Variants in TUBGCP5 observed in about 807,000 individuals in gnomAD.
TUBGCP5 encodes the protein tubulin gamma complex component 5.
Under a neutral mutation model 134.7 loss-of-function variants are expected in TUBGCP5, and 98 were observed. The ratio of observed to expected loss-of-function variants is 0.73; its 90% CI spans 0.62 to 0.86. TUBGCP5 has a LOEUF of 0.86. TUBGCP5 is among the 40% of genes least tolerant of loss of function. The pLI, the probability that TUBGCP5 is intolerant of heterozygous loss-of-function variation, is 0.00. For synonymous variants in TUBGCP5, 456 were observed against 431.4 expected, an observed-to-expected ratio of 1.06 and a Z score of -0.71; for missense variants, 1,150 against 1,244.8, an observed-to-expected ratio of 0.92 and a Z score of 1.15.
chr15:22,989,004 C>T (rs1325099317), intron 23 of TUBGCP5, among the ~76,000 whole-genome samples: 4 of 152,058 alleles, frequency 2.6e-5, no homozygotes, highest in African/African-American at 7.2e-5. Flanking sequence ...CCTCAAAGCC[C>T]TCAGCTGGCT....
chr15:23,038,290 TTTACCTA>T (rs11277458), intron 1 of TUBGCP5, among the ~76,000 whole-genome samples: 28,563 of 151,974 alleles, frequency 0.19, 3,274 homozygotes, highest in South Asian at 0.27. Flanking sequence ...GGAACACCAC[TTTACCTA>T]TTATAATTTA....
In TUBGCP5 at chr15:23,030,781, A is replaced by C. The variant is rs886105577; in HGVS notation, c.622+104T>G. ...AAAATTGGTTTTATAAGGATGGTAG[A>C]GCTTAGCCAATACCTTGATTACATG... On this transcript the variant is annotated intron_variant, in intron 6 of 22. Coordinates refer to ENST00000615383, the MANE Select transcript of TUBGCP5 (RefSeq NM_052903.6). 17 of 1,396,000 alleles carry C rather than the reference A, an allele frequency of 1.2e-5. No homozygotes were observed. The Admixed American group carries it at 1.5e-4, about 13-fold the overall frequency. The allele number at this position is 1,396,000 out of a possible 1,614,324, so 86.5% of individuals were successfully genotyped here.
downstream of TUBGCP5, among the ~76,000 whole-genome samples, chr15:22,994,482 T>C (rs554442244): frequency 5.3e-5 from 8 of 152,286 alleles, no homozygotes; most frequent in Non-Finnish European, 7.4e-5. Context: ...AGATTCAGTG[T>C]AAAGATGTCT....
chr15:23,023,794 T>C, intron 10 of TUBGCP5, 153 bp downstream of exon 10: 2 of 727,932 alleles, frequency 2.7e-6, no homozygotes, highest in Admixed American at 7.2e-5. Context: ...ATGAATGGCT[T>C]AAAAATATAA....
rs1010608304 is a variant in TUBGCP5 at position 23,013,109 on chromosome 15, G to A, written c.1757-1778C>T. Among the ~76,000 whole-genome samples, 1 of 151,694 alleles carries A rather than the reference G, an allele frequency of 6.6e-6. No homozygotes were observed. Among genetic ancestry groups the A allele is most frequent in the African/African-American group, 2.4e-5 (1 of 41,228 alleles). On this transcript the variant is annotated intron_variant, in intron 13 of 22. Coordinates refer to ENST00000615383, the MANE Select transcript of TUBGCP5 (RefSeq NM_052903.6). This position sits in a 1 kb window ranked among gnomAD's most constrained non-coding sequence, Gnocchi z 4.5. ...AGGTGGCTGCCTGGAGACGTCTGGT[G>A]TTCCTCTCCCAACAGCAAGAGAGGA... is the stretch of plus-strand genomic sequence containing the variant.
Position 23,008,829 on chromosome 15 carries a change from C to T in TUBGCP5, c.2197G>A (p.Asp733Asn). The change falls in exon 16 of 23, where the codon GAT becomes AAT. Residue 733 changes from aspartate (D) to asparagine (N), a missense_variant. This residue lies in a region of TUBGCP5 where 697 missense variants were observed against 850.1 expected (regional missense o/e 0.82). Coordinates refer to ENST00000615383, the MANE Select transcript of TUBGCP5 (RefSeq NM_052903.6). ...GACGTGTAGAAGTCATACATGGTAT[C>T]TCCTCCTTCCATTAAGAAAAAATTC... ...MRNFFLMEGGDTMYDFYTSIF... is the reference protein window; with the variant it reads ...MRNFFLMEGGNTMYDFYTSIF... 6.3e-7 allele frequency: 1 copy of T among 1,583,752 alleles called. No homozygotes were observed. The highest frequency in any genetic ancestry group is 8.5e-7 in the Non-Finnish European group (1 of 1,171,708).
At chr15:23,004,828 C>G (rs1224673366) in intron 19 of TUBGCP5, among the ~76,000 whole-genome samples, 1 of 152,148 alleles carries the variant, frequency 6.6e-6, no homozygotes, top group Non-Finnish European at 1.5e-5. Flanking sequence ...TCACTTCACC[C>G]AAGCAAGTTG....
downstream of TUBGCP5, among the ~76,000 whole-genome samples, chr15:22,995,678 C>T (rs920912281): frequency 6.6e-6 from 1 of 152,084 alleles, no homozygotes; most frequent in Non-Finnish European, 1.5e-5. Context: ...CCACACCCAG[C>T]CCCACACTTG....
intron 3 of TUBGCP5, among the ~76,000 whole-genome samples, 154 bp downstream of exon 3, chr15:23,036,743 T>C (rs571057994): frequency 6.6e-6 from 1 of 152,322 alleles, no homozygotes; most frequent in South Asian, 2.1e-4. Context: ...GCATATCTGG[T>C]TTGATGGCAA....
At chr15:23,003,042 T>C (rs1272777528) in intron 21 of TUBGCP5, 23 bp downstream of exon 21, 46 of 1,612,290 alleles carry the variant, frequency 2.9e-5, no homozygotes, top group South Asian at 4.4e-5. Context: ...ACAGTGCAGA[T>C]GCTGCAGAAA....
rs1297807650 is a variant in TUBGCP5, at chr15:23,006,148, T to C, written c.2437A>G (p.Ile813Val). The change falls in exon 18 of 23, where the codon ATA (isoleucine) becomes GTA (valine). Residue 813 changes from isoleucine to valine, a missense_variant. By Grantham distance (29) the Ile-to-Val change is conservative. This residue lies in a region of TUBGCP5 where 697 missense variants were observed against 850.1 expected (regional missense o/e 0.82). Coordinates refer to ENST00000615383, the MANE Select transcript of TUBGCP5 (RefSeq NM_052903.6). The stretch of plus-strand genomic sequence containing the variant: ...TAAATTTTTTGACATTCCAAACTTA[T>C]AACAATGTCCACGGGCCATGGGACC... ...YKVPWPVDIV[I>V]SLECQKIYNQ... The C allele has an allele frequency of 1.2e-6, 2 of 1,609,940 alleles. No homozygotes were observed. The highest frequency in any genetic ancestry group is 1.7e-6 in the Non-Finnish European group (2 of 1,179,278).
At chr15:23,019,002 C>T (rs1369422949) in intron 12 of TUBGCP5, among the ~76,000 whole-genome samples, 2 of 152,126 alleles carry the variant, frequency 1.3e-5, no homozygotes, top group East Asian at 1.9e-4. Flanking sequence ...AGAAAAGTTG[C>T]GGACTGACAA....
In TUBGCP5 at chr15:23,013,718, T is replaced by G. The variant is rs1356270726; in HGVS notation, c.1757-2387A>C. ...GAGCTCTGAGCCCAGTTTGGAGAGC[T>G]GCTGGGAATTCACGCAGCTGCCTTG... On this transcript the variant is annotated intron_variant, in intron 13 of 22. Coordinates refer to ENST00000615383, the MANE Select transcript of TUBGCP5 (RefSeq NM_052903.6). The surrounding 1 kb of genome is among the most constrained non-coding windows in gnomAD (Gnocchi z 4.5). Among the ~76,000 whole-genome samples the G allele has an allele frequency of 6.6e-6, 1 of 152,188 alleles. No individual in the cohort carries two copies. Among genetic ancestry groups the G allele is most frequent in the Non-Finnish European group, 1.5e-5 (1 of 68,028 alleles).
intron 1 of TUBGCP5, 34 bp downstream of exon 1, chr15:23,039,364 G>A: frequency 7.3e-7 from 1 of 1,378,688 alleles, no homozygotes; most frequent in Non-Finnish European, 9.5e-7. Context: ...TCCGGGCTGT[G>A]GCCGGGAACC....
intron 21 of TUBGCP5, 140 bp from the exon 22 acceptor site, chr15:23,000,809 C>T (rs1227128683): frequency 9.4e-6 from 6 of 635,970 alleles, no homozygotes; most frequent in Non-Finnish European, 1.3e-5. Context: ...AAATAAAACA[C>T]ATAACGTCCT....
chr15:23,018,776 T>G (rs1186532425), intron 12 of TUBGCP5, among the ~76,000 whole-genome samples: 2 of 152,178 alleles, frequency 1.3e-5, no homozygotes, highest in Non-Finnish European at 2.9e-5. Flanking sequence ...AGATTTTCCT[T>G]GTTTTGTAAA....
At chr15:22,996,379 G>A (rs12592942), downstream of TUBGCP5, among the ~76,000 whole-genome samples, 7 of 152,158 alleles carry the variant, frequency 4.6e-5, no homozygotes, top group East Asian at 3.9e-4. Context: ...GTGCAATGGC[G>A]CACACCTGTA....
chr15:23,021,523 C>T (rs1026141840), intron 11 of TUBGCP5, among the ~76,000 whole-genome samples: 17 of 152,026 alleles, frequency 1.1e-4, no homozygotes, highest in Admixed American at 9.8e-4. Context: ...ACATTCATAT[C>T]GTTGTGACAA....
rs543692833 is a variant in TUBGCP5, at chr15:23,013,743, G to T, written c.1757-2412C>A. On this transcript the variant is annotated intron_variant, in intron 13 of 22. Transcript: ENST00000615383. This position sits in a 1 kb window ranked among gnomAD's most constrained non-coding sequence, Gnocchi z 4.5. ...TGCTGGGAATTCACGCAGCTGCCTT[G>T]CCCCGGGTTAGGGGCACAAGGTGTG... Among the ~76,000 whole-genome samples, 1 of 152,284 alleles carries T rather than the reference G, an allele frequency of 6.6e-6. No individual in the cohort carries two copies. Among genetic ancestry groups the T allele is most frequent in the Admixed American group, 6.5e-5 (1 of 15,298 alleles).
Sources: gnomAD v4.1 joint callset for allele counts (sites outside exome capture counted in the v4.1 genomes callset) on GRCh38, gnomAD v4.1.1 for gene constraint, gnomAD v4.1.1 regional missense constraint, Gnocchi (gnomAD v3.1) non-coding constraint, MANE v1.5 for transcripts, NCBI Gene and HGNC (gene_info 2026-07-23, HGNC 2026-07-21) for gene names.